The following TMEM117 variants were observed in gnomAD, a reference collection of about 807,000 sequenced individuals.
TMEM117 encodes the protein transmembrane protein 117.
A neutral mutation model predicts 52.4 loss-of-function variants in TMEM117; 27 were observed. That is an observed-to-expected ratio of 0.51 (90% confidence interval 0.38 to 0.71). The LOEUF (loss-of-function observed/expected upper bound fraction) is 0.71. Ranked by LOEUF, TMEM117 falls within the 30% of genes least tolerant of loss-of-function variation. The pLI is 0.00. For missense variants in TMEM117, 556 were observed against 630.5 expected (o/e 0.88, Z 1.26); for synonymous variants, 215 against 206.3 (o/e 1.04, Z -0.36).
chr12:44,187,008 T>A (rs1046774508), intron 4 of TMEM117, among the ~76,000 whole-genome samples: 1 of 152,152 alleles, frequency 6.6e-6, no homozygotes, highest in Non-Finnish European at 1.5e-5. Flanking sequence ...CCTGGGAGTA[T>A]GTATAAAATA....
intron 2 of TMEM117, among the ~76,000 whole-genome samples, chr12:43,935,490 AGTTT>A (rs1944936963): frequency 6.6e-6 from 1 of 152,214 alleles, no homozygotes; most frequent in African/African-American, 2.4e-5. Context: ...GAATGTTATC[AGTTT>A]GTTACTTCGG....
chr12:44,394,921 G>A, the TMEM117 span, among the ~76,000 whole-genome samples: 1 of 152,174 alleles, frequency 6.6e-6, no homozygotes, highest in Non-Finnish European at 1.5e-5. Flanking sequence ...AAGCCACAGT[G>A]CTTTGTAGAA....
downstream of TMEM117, among the ~76,000 whole-genome samples, chr12:44,392,708 G>C (rs1308661124): frequency 1.4e-5 from 2 of 143,072 alleles, no homozygotes; most frequent in Non-Finnish European, 3.0e-5. Context: ...GGGGTGTGAT[G>C]TTCCCCTTCC....
intron 3 of TMEM117, among the ~76,000 whole-genome samples, chr12:44,121,919 A>G (rs1392614867): frequency 1.3e-5 from 2 of 152,000 alleles, no homozygotes; most frequent in Non-Finnish European, 2.9e-5. Flanking sequence ...TGTACTCAAT[A>G]TTTAGCTCCC....
chr12:44,184,287 A>AAGAGC (rs1949246795), intron 4 of TMEM117, among the ~76,000 whole-genome samples: 1 of 152,186 alleles, frequency 6.6e-6, no homozygotes, highest in Non-Finnish European at 1.5e-5. Context: ...TGGAGGCTGC[A>AAGAGC]AGAGCAAAGA....
At chr12:44,299,807 TG>T in intron 6 of TMEM117, 68 bp downstream of exon 6, 2 of 1,556,336 alleles carry the variant, frequency 1.3e-6, no homozygotes. Flanking sequence ...AAACAGGATA[TG>T]GCAACAGGCT....
intron 5 of TMEM117, among the ~76,000 whole-genome samples, chr12:44,267,924 A>T (rs556713621): frequency 6.6e-6 from 1 of 152,140 alleles, no homozygotes; most frequent in African/African-American, 2.4e-5. Flanking sequence ...GGTTGTTTCT[A>T]TGTCTCAGCT....
At chr12:43,840,589 T>C (rs1761332016) in intron 1 of TMEM117, among the ~76,000 whole-genome samples, 1 of 152,154 alleles carries the variant, frequency 6.6e-6, no homozygotes, top group Admixed American at 6.5e-5. Flanking sequence ...GAGCTTCTCT[T>C]TGTGAGTGTA....
chr12:43,922,474 T>C (rs957157044), intron 2 of TMEM117, among the ~76,000 whole-genome samples: 1 of 152,222 alleles, frequency 6.6e-6, no homozygotes, highest in Non-Finnish European at 1.5e-5. Flanking sequence ...TATGTGCTTT[T>C]GTAAGGCAAA....
chr12:44,213,061 T>G (rs1949668242), intron 5 of TMEM117, among the ~76,000 whole-genome samples: 1 of 152,174 alleles, frequency 6.6e-6, no homozygotes, highest in Admixed American at 6.6e-5. Context: ...CCTCCATCTT[T>G]TTTCCTATTT....
chr12:43,880,567 C>A (rs151223696), intron 2 of TMEM117, among the ~76,000 whole-genome samples: 18 of 152,234 alleles, frequency 1.2e-4, no homozygotes, highest in Middle Eastern at 6.8e-3. Flanking sequence ...ATGTAAAAGT[C>A]CGGTTTTGCC....
At chr12:44,065,274 G>A (rs1375118035) in intron 3 of TMEM117, among the ~76,000 whole-genome samples, 1 of 152,062 alleles carries the variant, frequency 6.6e-6, no homozygotes, top group Non-Finnish European at 1.5e-5. Flanking sequence ...AGCTGAGGAG[G>A]AGAATTGGGA....
intron 3 of TMEM117, among the ~76,000 whole-genome samples, chr12:44,019,909 G>C (rs1014243980): frequency 1.3e-5 from 2 of 152,102 alleles, no homozygotes; most frequent in Non-Finnish European, 2.9e-5. Flanking sequence ...TGAGAAAAAA[G>C]CTCTTTTAAA....
intron 3 of TMEM117, among the ~76,000 whole-genome samples, chr12:43,998,213 G>A (rs1946062660): frequency 6.6e-6 from 1 of 152,188 alleles, no homozygotes; most frequent in African/African-American, 2.4e-5. Flanking sequence ...TTAAATTACT[G>A]CTTGGGAATT....
chr12:43,930,870 A>G (rs1175694293), intron 2 of TMEM117, among the ~76,000 whole-genome samples: 2 of 152,114 alleles, frequency 1.3e-5, no homozygotes, highest in East Asian at 3.9e-4. Flanking sequence ...TCATTGCAGG[A>G]AGGAGGAAAT....
intron 6 of TMEM117, among the ~76,000 whole-genome samples, chr12:44,372,625 A>G (rs1432933276): frequency 6.6e-6 from 1 of 152,128 alleles, no homozygotes; most frequent in East Asian, 1.9e-4. Flanking sequence ...GAAAGAAAGA[A>G]AATAGTTTAA....
intron 4 of TMEM117, among the ~76,000 whole-genome samples, chr12:44,207,917 C>T (rs889079806): frequency 1.3e-5 from 2 of 152,014 alleles, no homozygotes; most frequent in Non-Finnish European, 2.9e-5. Flanking sequence ...TATTTAACTT[C>T]ATTGACTTCT....
chr12:43,864,370 A>G (rs1375795114), intron 2 of TMEM117, among the ~76,000 whole-genome samples: 1 of 152,230 alleles, frequency 6.6e-6, no homozygotes, highest in Non-Finnish European at 1.5e-5. Context: ...TTCTGAGTCT[A>G]GTGGGGACTT....
chr12:44,150,963 T>C (rs1948713187), intron 4 of TMEM117, among the ~76,000 whole-genome samples: 1 of 152,140 alleles, frequency 6.6e-6, no homozygotes, highest in African/African-American at 2.4e-5. Flanking sequence ...CCCATCAAAA[T>C]ATCAAATAAT....
Sources: gnomAD v4.1 joint callset for allele counts (sites outside exome capture counted in the v4.1 genomes callset) on GRCh38, gnomAD v4.1.1 for gene constraint, MANE v1.5 for transcripts, NCBI Gene and HGNC (gene_info 2026-07-23, HGNC 2026-07-21) for gene names.